AAGAB: variants seen among roughly 807,000 people sequenced by gnomAD.
AAGAB encodes alpha and gamma adaptin binding protein.
AAGAB carries 38 observed loss-of-function variants against 44.1 expected under a neutral mutation model. The observed-to-expected ratio is 0.86, with a 90% CI of 0.67 to 1.13. The LOEUF (loss-of-function observed/expected upper bound fraction) is 1.13. Among genes scored for constraint, AAGAB ranks in the 50% most tolerant of loss-of-function variants. The probability of loss-of-function intolerance (pLI) is 0.00; values close to 1 mark genes in which losing one functional copy is unlikely to be tolerated. For missense variants in AAGAB, 450 were observed against 373.8 expected (o/e 1.20, Z -1.68); for synonymous variants, 131 against 131.8 (o/e 0.99, Z 0.04).
chr15:67,248,519 GA>G (rs1273568018), intron 1 of AAGAB, among the ~76,000 whole-genome samples: 3 of 152,184 alleles, frequency 2.0e-5, no homozygotes, highest in African/African-American at 7.2e-5. Context: ...AGAAGCTACA[GA>G]AAAACACACA....
chr15:67,224,888 A>G (rs965594359), intron 5 of AAGAB, among the ~76,000 whole-genome samples: 3 of 152,116 alleles, frequency 2.0e-5, no homozygotes, highest in Non-Finnish European at 4.4e-5. Context: ...GCCAAAAGTC[A>G]CTTTTCAATA....
At chr15:67,236,151 AT>A in intron 3 of AAGAB, 83 bp from the exon 4 acceptor site, 1 of 1,119,156 alleles carries the variant, frequency 8.9e-7, no homozygotes, top group Non-Finnish European at 1.3e-6. Flanking sequence ...ACAAATCTCA[AT>A]GTGTTTCCCT....
At chr15:67,205,956 T>C (rs1172559489) in intron 7 of AAGAB, among the ~76,000 whole-genome samples, 4 of 152,208 alleles carry the variant, frequency 2.6e-5, no homozygotes, top group Non-Finnish European at 5.9e-5. Context: ...TTTCCCCTAG[T>C]GTTAACATCG....
intron 1 of AAGAB, among the ~76,000 whole-genome samples, chr15:67,251,425 T>C (rs1216352247): frequency 1.3e-5 from 2 of 152,192 alleles, no homozygotes; most frequent in East Asian, 3.8e-4. Context: ...TTAACATTTT[T>C]ATTTTTATTT....
intron 5 of AAGAB, among the ~76,000 whole-genome samples, chr15:67,230,458 A>G (rs1464295405): frequency 6.6e-6 from 1 of 152,196 alleles, no homozygotes; most frequent in Non-Finnish European, 1.5e-5. Flanking sequence ...GTGGACACAG[A>G]CAGGCACCCA....
Position 67,237,955 on chromosome 15 carries a change from T to C in AAGAB, c.74-1135A>G, listed in dbSNP as rs188922159. Among the ~76,000 whole-genome samples, 614 of 152,302 alleles carry C rather than the reference T, an allele frequency of 4.0e-3. 4 individuals are homozygous for C. Among genetic ancestry groups the C allele is most frequent in the African/African-American group, 0.014 (597 of 41,566 alleles). ...ATCATTTTTGCTCAACATAAAGTTATGGGGAAATTATTTAGTCCAAAAGAC... is the reference window on the plus strand; with the variant it reads ...ATCATTTTTGCTCAACATAAAGTTACGGGGAAATTATTTAGTCCAAAAGAC... On this transcript the variant is annotated intron_variant, in intron 1 of 9. Transcript: ENST00000261880.
At chr15:67,242,162 G>A (rs1200915582) in intron 1 of AAGAB, among the ~76,000 whole-genome samples, 3 of 94,664 alleles carry the variant, frequency 3.2e-5, no homozygotes, top group African/African-American at 6.0e-5. Context: ...GGTGGCTCAC[G>A]CCTGTAATCC....
chr15:67,214,169 AGAT>A (rs1379023006), intron 5 of AAGAB, among the ~76,000 whole-genome samples: 1 of 150,916 alleles, frequency 6.6e-6, no homozygotes, highest in Non-Finnish European at 1.5e-5. Context: ...AAGTACAAAA[AGAT>A]GATGTTTCAT....
At chr15:67,232,638 G>T in intron 4 of AAGAB, 2 of 333,734 alleles carry the variant, frequency 6.0e-6, no homozygotes, top group Non-Finnish European at 6.1e-6. Context: ...TTTTGGTGGT[G>T]GCAAGACTAC....
intron 5 of AAGAB, among the ~76,000 whole-genome samples, chr15:67,222,250 A>G (rs867537015): frequency 3.9e-4 from 52 of 134,222 alleles, no homozygotes; most frequent in African/African-American, 9.5e-4. Context: ...GCGCACACAC[A>G]CACACACACA....
At chr15:67,221,349 T>C (rs1964060714) in intron 5 of AAGAB, 1 of 152,258 alleles carries the variant, frequency 6.6e-6, no homozygotes, top group South Asian at 2.1e-4. Context: ...GTGCTTAAGC[T>C]ACCAGCATAA....
intron 1 of AAGAB, among the ~76,000 whole-genome samples, chr15:67,249,415 G>A (rs537093908): frequency 3.3e-5 from 5 of 152,118 alleles, no homozygotes; most frequent in South Asian, 4.2e-4. Flanking sequence ...AATCCTGTAC[G>A]GTAAGAATCA....
intron 5 of AAGAB, among the ~76,000 whole-genome samples, chr15:67,226,167 C>G (rs1964199920): frequency 6.6e-6 from 1 of 151,906 alleles, no homozygotes; most frequent in South Asian, 2.1e-4. Context: ...GGGTCTCACT[C>G]TGTTGCCCAG....
chr15:67,255,149 G>T (rs990483290), upstream of AAGAB: 9 of 605,150 alleles, frequency 1.5e-5, no homozygotes, highest in East Asian at 2.8e-5. Flanking sequence ...TGTAGGTTAC[G>T]CCCCAGAAGC....
In AAGAB at chr15:67,215,766, C is replaced by T. The variant is rs142583149; in HGVS notation, c.536-6222G>A. On this transcript the variant is annotated intron_variant, in intron 5 of 9. Transcript: ENST00000261880. ...CACTAGCATCAGAGAAATAAACTTACACTTTGATATTACAATCCACTTCTT... is the reference window on the plus strand; with the variant it reads ...CACTAGCATCAGAGAAATAAACTTATACTTTGATATTACAATCCACTTCTT... Among the ~76,000 whole-genome samples, 104 of 152,294 alleles carry T rather than the reference C, an allele frequency of 6.8e-4. 4 individuals carry two copies. In the East Asian group the frequency reaches 0.012, roughly 17 times the overall value.
In AAGAB at chr15:67,223,153, C is replaced by T. The variant is rs28544303; in HGVS notation, c.535+8661G>A. Among the ~76,000 whole-genome samples, 600 of 152,252 alleles carry T rather than the reference C, an allele frequency of 3.9e-3. 4 individuals are homozygous for T. The highest frequency in any genetic ancestry group is 0.013 in the African/African-American group (559 of 41,534). ...CTCTGTCTCTTGATGTTGCAATGTCCCTGGGCTGAGTCCTTGGTCTTCTTT... is the reference window on the plus strand; with the variant it reads ...CTCTGTCTCTTGATGTTGCAATGTCTCTGGGCTGAGTCCTTGGTCTTCTTT... On this transcript the variant is annotated intron_variant, in intron 5 of 9. Transcript: ENST00000261880.
rs974395926 is a variant in AAGAB at position 67,202,662 on chromosome 15, C to T, written c.*159G>A. On this transcript the variant is annotated 3_prime_UTR_variant, in exon 10 of 10. Transcript: ENST00000261880. ...TATACTGAGGAAAAAAAAGATTTCT[C>T]CTTAACCTCCTACTAAAAACTAAAA... 8.0e-6 allele frequency: 5 copies of T among 625,812 alleles called. No homozygotes were observed. The highest frequency in any genetic ancestry group is 2.0e-5 in the South Asian group (1 of 49,538). 38.8% of individuals were successfully genotyped at this position (625,812 alleles called of 1,614,324 possible). A position where few individuals can be genotyped will look rare whatever the true frequency, so the allele number is the denominator to read the frequency against.
chr15:67,253,111 A>T (rs1421863965), intron 1 of AAGAB, among the ~76,000 whole-genome samples: 1 of 152,204 alleles, frequency 6.6e-6, no homozygotes, highest in Admixed American at 6.5e-5. Context: ...TGCGAAAATT[A>T]TCCCTATTTT....
At chr15:67,229,306 G>A (rs763521727) in intron 5 of AAGAB, among the ~76,000 whole-genome samples, 1 of 151,872 alleles carries the variant, frequency 6.6e-6, no homozygotes, top group Non-Finnish European at 1.5e-5. Flanking sequence ...GGTGGTGCGC[G>A]CCTGTAATCC....
Sources: gnomAD v4.1 joint callset for allele counts (sites outside exome capture counted in the v4.1 genomes callset) on GRCh38, gnomAD v4.1.1 for gene constraint, MANE v1.5 for transcripts, NCBI Gene and HGNC (gene_info 2026-07-23, HGNC 2026-07-21) for gene names.